Variants in PCDHGB7 observed in about 807,000 individuals in gnomAD.
PCDHGB7 encodes the protein protocadherin gamma subfamily B, 7.
In PCDHGB7, 37 loss-of-function variants were observed where a neutral mutation model predicts 61.4. That is an observed-to-expected ratio of 0.60 (90% CI 0.46 to 0.79). The LOEUF is 0.79. Among genes scored for constraint, PCDHGB7 ranks in the 30% least tolerant of loss-of-function variants. The pLI is 0.00. For missense variants in PCDHGB7, 1,166 were observed against 1,202.5 expected (o/e 0.97, Z 0.45); for synonymous variants, 464 against 503.5 (o/e 0.92, Z 1.05).
In PCDHGB7 at chr5:141,419,492, A is replaced by G; in HGVS notation, c.1633A>G (p.Asn545Asp). The change falls in exon 1 of 4, where the codon AAT (asparagine) becomes GAT (aspartate). Residue 545 changes from asparagine (N) to aspartate (D), a missense_variant. By Grantham distance (23) the Asn-to-Asp change is conservative (BLOSUM62 1). Transcript: ENST00000398594. Reference protein sequence around the residue: ...RDQGSPALSANVSLRVLVGDR... With the variant: ...RDQGSPALSADVSLRVLVGDR... ...CCAGGGCTCGCCCGCGCTCAGCGCC[A>G]ATGTGAGCCTGCGCGTGTTGGTGGG... 1 of 1,612,358 alleles carries G rather than the reference A, an allele frequency of 6.2e-7. No homozygotes were observed. The highest frequency in any genetic ancestry group is 1.1e-5 in the South Asian group (1 of 90,988).
intron 1 of PCDHGB7, chr5:141,422,519 C>T (rs1297821851): frequency 6.2e-7 from 1 of 1,613,968 alleles, no homozygotes; most frequent in African/African-American, 1.3e-5. Context: ...CAGGGAAGCC[C>T]GCCTTTGTCT....
rs775712620 is a variant in PCDHGB7, at chr5:141,491,341, G to T, written c.2416-3466G>T. 1 of 1,613,982 alleles carries T rather than the reference G, an allele frequency of 6.2e-7. No homozygotes were observed. The highest frequency in any genetic ancestry group is 8.5e-7 in the Non-Finnish European group (1 of 1,180,016). ...TTACCTCATTGTGGCTCTAGCGACC[G>T]TCAGTCTCTTATCCCTAGTCACCTT... On this transcript the variant is annotated intron_variant, in intron 1 of 3. Coordinates refer to ENST00000398594, the MANE Select transcript of PCDHGB7 (RefSeq NM_018927.4). The surrounding 1 kb of genome is among the most constrained non-coding windows in gnomAD (Gnocchi z 6.9).
intron 3 of PCDHGB7, among the ~76,000 whole-genome samples, chr5:141,510,166 A>G (rs1280391099): frequency 6.6e-6 from 1 of 151,872 alleles, no homozygotes; most frequent in African/African-American, 2.4e-5. Flanking sequence ...TCAGCTACTC[A>G]GGAGGTTGAG....
chr5:141,432,264 C>A lies in PCDHGB7; in HGVS notation c.2415+11990C>A. On this transcript the variant is annotated intron_variant, in intron 1 of 3. Transcript: ENST00000398594. The surrounding 1 kb of genome is among the most constrained non-coding windows in gnomAD (Gnocchi z 6.0). Reference sequence around the variant, plus strand: ...AACACCATCCAAGGGGCAAGCCTATCGTCCTACGTGTCCATCAACTCCGAC... The same window carrying A: ...AACACCATCCAAGGGGCAAGCCTATAGTCCTACGTGTCCATCAACTCCGAC... 5 of 1,614,252 alleles carry A rather than the reference C, an allele frequency of 3.1e-6. No homozygotes were observed. Among genetic ancestry groups the A allele is most frequent in the Non-Finnish European group, 4.2e-6 (5 of 1,180,044 alleles).
At chr5:141,458,988 C>T (rs996478276) in intron 1 of PCDHGB7, among the ~76,000 whole-genome samples, 1 of 152,208 alleles carries the variant, frequency 6.6e-6, no homozygotes, top group South Asian at 2.1e-4. Context: ...CTGCCTCACC[C>T]TCCCAAAGTG....
chr5:141,485,944 G>C lies in PCDHGB7; in HGVS notation c.2416-8863G>C, dbSNP rs2099621875. 1 of 1,613,998 alleles carries C rather than the reference G, an allele frequency of 6.2e-7. No homozygotes were observed. Reference sequence around the variant, plus strand: ...TTAGTGTGTTGGAGAGCGCACCAGCGGGCATGGTGCTCATCCAGCTCAATG... The same window carrying C: ...TTAGTGTGTTGGAGAGCGCACCAGCCGGCATGGTGCTCATCCAGCTCAATG... On this transcript the variant is annotated intron_variant, in intron 1 of 3. Transcript: ENST00000398594. This position sits in a 1 kb window ranked among gnomAD's most constrained non-coding sequence, Gnocchi z 5.7.
chr5:141,456,735 C>T (rs568353480), intron 1 of PCDHGB7, among the ~76,000 whole-genome samples: 8 of 152,216 alleles, frequency 5.3e-5, no homozygotes, highest in East Asian at 3.9e-4. Context: ...GAGGCTGAGG[C>T]GGGAGCATCA....
intron 1 of PCDHGB7, among the ~76,000 whole-genome samples, chr5:141,483,889 CT>C (rs1298469461): frequency 6.6e-6 from 1 of 151,866 alleles, no homozygotes; most frequent in Admixed American, 6.6e-5. Flanking sequence ...TTCTATTTCT[CT>C]GAGCTCTGGT....
intron 1 of PCDHGB7, chr5:141,427,962 G>T: frequency 2.5e-6 from 4 of 1,590,100 alleles, no homozygotes; most frequent in Non-Finnish European, 3.4e-6. Flanking sequence ...TGTGCCGCGG[G>T]TGCTGTACCC....
intron 1 of PCDHGB7, chr5:141,423,956 A>G: frequency 1.7e-6 from 2 of 1,182,724 alleles, no homozygotes; most frequent in Non-Finnish European, 2.1e-6. Flanking sequence ...TTTTAGTATT[A>G]TTTTTCTATT....
chr5:141,458,540 TTTTG>T (rs754668779), intron 1 of PCDHGB7, among the ~76,000 whole-genome samples: 43 of 150,468 alleles, frequency 2.9e-4, no homozygotes, highest in East Asian at 1.7e-3. Context: ...ATCAACTTTA[TTTTG>T]TTTGTTTGTT....
chr5:141,447,135 GT>G (rs905717632), intron 1 of PCDHGB7, among the ~76,000 whole-genome samples: 1 of 151,698 alleles, frequency 6.6e-6, no homozygotes, highest in South Asian at 2.1e-4. Flanking sequence ...TTGTTTGTTT[GT>G]TTTTTGTTTT....
intron 1 of PCDHGB7, among the ~76,000 whole-genome samples, chr5:141,448,931 C>G (rs966398044): frequency 1.3e-5 from 2 of 152,040 alleles, no homozygotes; most frequent in African/African-American, 4.8e-5. Context: ...GGCGACAGAG[C>G]AAGACTGCAA....
intron 1 of PCDHGB7, among the ~76,000 whole-genome samples, chr5:141,456,288 G>A (rs371687260): frequency 1.4e-3 from 217 of 152,226 alleles, no homozygotes; most frequent in Middle Eastern, 6.8e-3. Context: ...GAAAAGGGGC[G>A]TCTAATGGAG....
intron 1 of PCDHGB7, among the ~76,000 whole-genome samples, chr5:141,437,246 C>A (rs897787623): frequency 6.6e-6 from 1 of 152,144 alleles, no homozygotes; most frequent in Non-Finnish European, 1.5e-5. Context: ...CAAGGACTTT[C>A]CTTGTCTTTT....
At position 141,486,418 on chromosome 5, in the gene PCDHGB7, A is replaced by G. The variant is rs1174910867; in HGVS notation, c.2416-8389A>G. On this transcript the variant is annotated intron_variant, in intron 1 of 3. Transcript: ENST00000398594. This position sits in a 1 kb window ranked among gnomAD's most constrained non-coding sequence, Gnocchi z 5.0. ...TGGTGACTGCTGGACCCTTGGATCG[A>G]GAGGCCAAATCTAGCTATGACATCA... is the stretch of plus-strand genomic sequence containing the variant. The G allele has an allele frequency of 3.7e-6, 6 of 1,614,176 alleles. No individual in the cohort carries two copies. Among genetic ancestry groups the G allele is most frequent in the Non-Finnish European group, 5.1e-6 (6 of 1,180,020 alleles).
chr5:141,421,410 G>A lies in PCDHGB7; in HGVS notation c.2415+1136G>A, dbSNP rs538537555. On this transcript the variant is annotated intron_variant, in intron 1 of 3. Transcript: ENST00000398594. ...TGGGGCTGGAGCCCCGGGAGCTGGCGAAGCGCGGAGTCCGCATCGTCTCCA... is the reference window on the plus strand; with the variant it reads ...TGGGGCTGGAGCCCCGGGAGCTGGCAAAGCGCGGAGTCCGCATCGTCTCCA... The A allele has an allele frequency of 3.7e-6, 6 of 1,614,084 alleles. No homozygotes were observed. In the African/African-American group the frequency reaches 6.7e-5, roughly 18 times the overall value.
chr5:141,496,795 T>C (rs886559302), intron 2 of PCDHGB7, among the ~76,000 whole-genome samples: 27 of 151,976 alleles, frequency 1.8e-4, no homozygotes, highest in Middle Eastern at 3.4e-3. Flanking sequence ...GTGCTAAACA[T>C]TGGGCTATAG....
chr5:141,467,233 A>G (rs1009794220), intron 1 of PCDHGB7, among the ~76,000 whole-genome samples: 1 of 151,564 alleles, frequency 6.6e-6, no homozygotes, highest in South Asian at 2.1e-4. Flanking sequence ...TTGTATTTTT[A>G]GTAGAGATGG....
Sources: allele counts gnomAD v4.1 joint callset (sites outside exome capture counted in the v4.1 genomes callset), GRCh38; gene constraint gnomAD v4.1.1; non-coding constraint Gnocchi (gnomAD v3.1); transcripts MANE v1.5; gene names NCBI Gene and HGNC (gene_info 2026-07-23, HGNC 2026-07-21).